MIPOL1: variants seen among roughly 807,000 people sequenced by gnomAD.
MIPOL1 encodes mirror-image polydactyly gene 1 protein.
In MIPOL1, 57 loss-of-function variants were observed where a neutral mutation model predicts 60.9. The ratio of observed to expected loss-of-function variants is 0.94; its 90% CI spans 0.76 to 1.17. The LOEUF (loss-of-function observed/expected upper bound fraction) is 1.17. Among genes scored for constraint, MIPOL1 ranks in the 50% most tolerant of loss-of-function variants. The probability of loss-of-function intolerance (pLI) is 0.00; values close to 1 mark genes in which losing one functional copy is unlikely to be tolerated. For missense variants in MIPOL1, 551 were observed against 511.6 expected (o/e 1.08, Z -0.74); for synonymous variants, 179 against 168.8 (o/e 1.06, Z -0.47).
intron 10 of MIPOL1, among the ~76,000 whole-genome samples, chr14:37,386,107 C>G (rs1403901025): frequency 6.6e-6 from 1 of 151,880 alleles, no homozygotes; most frequent in Non-Finnish European, 1.5e-5. Context: ...GTCATTGTTT[C>G]CAATTTATAG....
At chr14:37,337,683 A>T (rs2090273022) in intron 9 of MIPOL1, among the ~76,000 whole-genome samples, 1 of 151,888 alleles carries the variant, frequency 6.6e-6, no homozygotes, top group East Asian at 1.9e-4. Flanking sequence ...TGTGTTCTTT[A>T]GAGAAATGTC....
intron 11 of MIPOL1, among the ~76,000 whole-genome samples, chr14:37,466,675 A>C (rs780005971): frequency 2.6e-5 from 4 of 152,216 alleles, no homozygotes; most frequent in African/African-American, 4.8e-5. Flanking sequence ...ACCTGAAAAA[A>C]AGTCAGTTAC....
At chr14:37,232,834 T>A (rs1043394627) in intron 1 of MIPOL1, among the ~76,000 whole-genome samples, 7 of 152,230 alleles carry the variant, frequency 4.6e-5, no homozygotes, top group Non-Finnish European at 8.8e-5. Flanking sequence ...CTTCTTTTAA[T>A]GAACCTGCAA....
intron 11 of MIPOL1, among the ~76,000 whole-genome samples, chr14:37,452,403 G>A (rs970248799): frequency 6.6e-6 from 1 of 152,104 alleles, no homozygotes; most frequent in African/African-American, 2.4e-5. Context: ...GAAGTATCTT[G>A]CCAGCTTCTG....
chr14:37,408,151 C>T (rs988114669), intron 10 of MIPOL1, among the ~76,000 whole-genome samples: 1 of 151,886 alleles, frequency 6.6e-6, no homozygotes, highest in East Asian at 1.9e-4. Flanking sequence ...GGAACACTGG[C>T]GTGAGCCACC....
At chr14:37,251,948 C>G (rs537495314) in intron 3 of MIPOL1, among the ~76,000 whole-genome samples, 7 of 151,554 alleles carry the variant, frequency 4.6e-5, no homozygotes, top group African/African-American at 1.7e-4. Flanking sequence ...AAATTTAGAA[C>G]CTTTAGGGGT....
At chr14:37,500,451 G>T (rs1349991969) in intron 12 of MIPOL1, among the ~76,000 whole-genome samples, 2 of 152,120 alleles carry the variant, frequency 1.3e-5, no homozygotes, top group Admixed American at 6.6e-5. Context: ...TTAGCAAGGG[G>T]AAGAGGCAGT....
chr14:37,520,092 G>A (rs988731601), intron 12 of MIPOL1, among the ~76,000 whole-genome samples: 1 of 152,110 alleles, frequency 6.6e-6, no homozygotes, highest in African/African-American at 2.4e-5. Context: ...TATGAATCAT[G>A]GTTAAATCAG....
At position 37,382,221 on chromosome 14, in the gene MIPOL1, T is replaced by G. The variant is rs576014464; in HGVS notation, c.936+12597T>G. Among the ~76,000 whole-genome samples, 5 of 152,168 alleles carry G rather than the reference T, an allele frequency of 3.3e-5. No individual in the cohort carries two copies. The South Asian group carries it at 1.0e-3, about 32-fold the overall frequency. Reference sequence around the variant, plus strand: ...AAGTGATTTGGAATAAGTGATATATTAAATTCTTTGATGAATTGCAGTGTA... The same window carrying G: ...AAGTGATTTGGAATAAGTGATATATGAAATTCTTTGATGAATTGCAGTGTA... On this transcript the variant is annotated intron_variant, in intron 10 of 12. Coordinates refer to ENST00000684589, the MANE Select transcript of MIPOL1 (RefSeq NM_001388067.1).
At chr14:37,310,547 T>C (rs931132351) in intron 9 of MIPOL1, among the ~76,000 whole-genome samples, 2 of 152,196 alleles carry the variant, frequency 1.3e-5, no homozygotes, top group Admixed American at 6.6e-5. Flanking sequence ...AATCTCTCTA[T>C]TTCCATACTA....
rs1446016352 is a variant in MIPOL1 at position 37,443,444 on chromosome 14, G to C, written c.1031+20495G>C. On this transcript the variant is annotated intron_variant, in intron 11 of 12. Coordinates refer to ENST00000684589, the MANE Select transcript of MIPOL1 (RefSeq NM_001388067.1). ...ACTGCACTCCAGCCTGGGTGACAGA[G>C]AGACTATCTCACCAAAAAAAAAAAA... Among the ~76,000 whole-genome samples the C allele has an allele frequency of 4.9e-5, 5 of 101,432 alleles. No homozygotes were observed. The East Asian group carries it at 1.7e-3, about 34-fold the overall frequency. 66.5% of individuals were successfully genotyped at this position (101,432 alleles called of 152,430 possible).
intron 7 of MIPOL1, among the ~76,000 whole-genome samples, chr14:37,292,465 CTTTTTTTTT>C (rs34055899): frequency 1.6e-5 from 1 of 63,442 alleles, no homozygotes; most frequent in Admixed American, 2.4e-4. Flanking sequence ...CCTTAATAAA[CTTTTTTTTT>C]TTTTTTTTTT....
At chr14:37,243,940 T>C (rs943268177) in intron 1 of MIPOL1, among the ~76,000 whole-genome samples, 1 of 151,990 alleles carries the variant, frequency 6.6e-6, no homozygotes, top group Non-Finnish European at 1.5e-5. Flanking sequence ...TTTGAGAGCA[T>C]AGGGATATTT....
chr14:37,437,932 G>A (rs770092342), intron 11 of MIPOL1, among the ~76,000 whole-genome samples: 3 of 151,448 alleles, frequency 2.0e-5, no homozygotes, highest in Non-Finnish European at 4.4e-5. Flanking sequence ...CTTTTTTTTA[G>A]CTTTTTAGGC....
At chr14:37,530,534 C>T (rs2095472845) in intron 12 of MIPOL1, among the ~76,000 whole-genome samples, 1 of 152,124 alleles carries the variant, frequency 6.6e-6, no homozygotes, top group Non-Finnish European at 1.5e-5. Flanking sequence ...TAATTAAACT[C>T]TTTCCATGGA....
intron 12 of MIPOL1, among the ~76,000 whole-genome samples, chr14:37,531,006 C>T (rs1274530920): frequency 2.6e-5 from 4 of 151,986 alleles, no homozygotes; most frequent in South Asian, 2.1e-4. Context: ...TTAGTAGAGA[C>T]GGGGTTTCAC....
At chr14:37,401,613 A>C (rs1304158198) in intron 10 of MIPOL1, 1 of 152,096 alleles carries the variant, frequency 6.6e-6, no homozygotes, top group African/African-American at 2.4e-5. Flanking sequence ...TAGCCAAAAT[A>C]TCATTTATAG....
At chr14:37,412,204 GTT>G (rs1365459276) in intron 10 of MIPOL1, among the ~76,000 whole-genome samples, 1 of 152,036 alleles carries the variant, frequency 6.6e-6, no homozygotes, top group Non-Finnish European at 1.5e-5. Context: ...ATACTAATCT[GTT>G]TTAATTGTGA....
chr14:37,265,114 T>C (rs1429527937), intron 3 of MIPOL1: 9 of 152,218 alleles, frequency 5.9e-5, no homozygotes, highest in African/African-American at 1.4e-4. Context: ...TTTTCCTAAA[T>C]TTATTTCTTC....
Sources: gnomAD v4.1 joint callset for allele counts (sites outside exome capture counted in the v4.1 genomes callset) on GRCh38, gnomAD v4.1.1 for gene constraint, MANE v1.5 for transcripts, NCBI Gene and HGNC (gene_info 2026-07-23, HGNC 2026-07-21) for gene names.